DHRS3: variants seen among roughly 807,000 people sequenced by gnomAD.
The protein encoded by DHRS3 is short-chain dehydrogenase/reductase 3.
In DHRS3, 14 loss-of-function variants were observed where a neutral mutation model predicts 27.2. The ratio of observed to expected loss-of-function variants is 0.52; its 90% CI spans 0.34 to 0.81. The LOEUF (loss-of-function observed/expected upper bound fraction) is 0.81. Among genes scored for constraint, DHRS3 ranks in the 30% least tolerant of loss-of-function variants. The pLI is 0.01. For synonymous variants in DHRS3, 165 were observed against 175.9 expected, an observed-to-expected ratio of 0.94 and a Z score of 0.49; for missense variants, 322 against 406.2, an observed-to-expected ratio of 0.79 and a Z score of 1.78.
chr1:12,614,531 C>T (rs541361437), intron 1 of DHRS3, among the ~76,000 whole-genome samples: 5 of 151,476 alleles, frequency 3.3e-5, no homozygotes, highest in East Asian at 1.9e-4. Context: ...AAAAAACCCT[C>T]GCTTATTTGG....
intron 3 of DHRS3, 77 bp downstream of exon 3, chr1:12,579,216 C>A (rs1646621514): frequency 6.2e-7 from 1 of 1,610,240 alleles, no homozygotes; most frequent in African/African-American, 1.3e-5. Flanking sequence ...CAAGCCCTGG[C>A]AAATCATCCC....
At chr1:12,601,196 G>A (rs994998382) in intron 1 of DHRS3, among the ~76,000 whole-genome samples, 1 of 151,928 alleles carries the variant, frequency 6.6e-6, no homozygotes, top group African/African-American at 2.4e-5. Context: ...TGCAGAAGCC[G>A]ACCTCCCGAC....
chr1:12,577,371 A>C (rs61776828), intron 4 of DHRS3, among the ~76,000 whole-genome samples: 36,009 of 152,044 alleles, frequency 0.24, 4,489 homozygotes, highest in African/African-American at 0.29. Flanking sequence ...CTTGCAGATC[A>C]GCCACAGCAG....
chr1:12,583,524 C>A (rs1294155310), intron 1 of DHRS3, among the ~76,000 whole-genome samples: 1 of 148,058 alleles, frequency 6.8e-6, no homozygotes, highest in Non-Finnish European at 1.5e-5. Context: ...ATCCATCCAC[C>A]CATCCATCCC....
chr1:12,585,600 G>A (rs988707230), intron 1 of DHRS3, among the ~76,000 whole-genome samples: 1 of 152,290 alleles, frequency 6.6e-6, no homozygotes, highest in Admixed American at 6.5e-5. Flanking sequence ...CTGTGGAGCT[G>A]CCCCAGCCAC....
At chr1:12,600,482 G>A (rs1035073703) in intron 1 of DHRS3, 16 of 770,424 alleles carry the variant, frequency 2.1e-5, no homozygotes, top group Non-Finnish European at 2.1e-5. Context: ...AACACGGGCC[G>A]TGCAGCCAAG....
Position 12,578,650 on chromosome 1 carries a change from G to T in DHRS3, c.698+68C>A. On this transcript the variant is annotated intron_variant, in intron 4 of 5. Transcript: ENST00000616661. This position sits in a 1 kb window ranked among gnomAD's most constrained non-coding sequence, Gnocchi z 4.5. ...TTATATCAGAGCTCTTTCTGCAGTT[G>T]GCTGACTGAATGGCTTGGGGAGGCA... 1 of 1,459,942 alleles carries T rather than the reference G, an allele frequency of 6.8e-7. No individual in the cohort carries two copies. Among genetic ancestry groups the T allele is most frequent in the Non-Finnish European group, 9.6e-7 (1 of 1,044,420 alleles). The allele number at this position is 1,459,942 out of a possible 1,614,324, so 90.4% of individuals were successfully genotyped here.
Position 12,591,429 on chromosome 1 carries a change from G to A in DHRS3, c.196-10763C>T, listed in dbSNP as rs1399520095. 2.0e-5 allele frequency among the ~76,000 whole-genome samples: 3 copies of A among 152,258 alleles called. No individual in the cohort carries two copies. Among genetic ancestry groups the A allele is most frequent in the African/African-American group, 7.2e-5 (3 of 41,478 alleles). On this transcript the variant is annotated intron_variant, in intron 1 of 5. Coordinates refer to ENST00000616661, the MANE Select transcript of DHRS3 (RefSeq NM_004753.7). This position sits in a 1 kb window ranked among gnomAD's most constrained non-coding sequence, Gnocchi z 4.1. The stretch of plus-strand genomic sequence containing the variant: ...CTACCGCTGGCTCAGCTGTTGGGGA[G>A]GATTGTGATGAAGCTCCTCAAATTA...
intron 5 of DHRS3, among the ~76,000 whole-genome samples, chr1:12,570,602 G>GGAAGGTTGGAAAATGAAGGCT (rs1553137602): frequency 6.6e-6 from 1 of 152,190 alleles, no homozygotes; most frequent in Non-Finnish European, 1.5e-5. Flanking sequence ...GTAGTTGTGG[G>GGAAGGTTGGAAAATGAAGGCT]GAAGGTTGGA....
intron 1 of DHRS3, among the ~76,000 whole-genome samples, chr1:12,589,613 C>T (rs1646728650): frequency 6.6e-6 from 1 of 152,068 alleles, no homozygotes; most frequent in African/African-American, 2.4e-5. Context: ...TGGTGAATTA[C>T]AGGTGTGAGC....
intron 4 of DHRS3, among the ~76,000 whole-genome samples, chr1:12,575,012 G>T (rs926944627): frequency 1.3e-5 from 2 of 152,124 alleles, no homozygotes; most frequent in African/African-American, 4.8e-5. Flanking sequence ...GTTCTAGGTG[G>T]TTCTATGGCT....
intron 5 of DHRS3, among the ~76,000 whole-genome samples, chr1:12,568,737 G>T (rs1009503674): frequency 6.6e-6 from 1 of 152,090 alleles, no homozygotes; most frequent in Admixed American, 6.5e-5. Context: ...ACCAGCCTGG[G>T]CAATATGGTG....
intron 1 of DHRS3, among the ~76,000 whole-genome samples, chr1:12,611,948 A>AATAAATAAATAAATAAATAAATAT (rs1646913266): frequency 6.6e-6 from 1 of 151,786 alleles, no homozygotes; most frequent in Non-Finnish European, 1.5e-5. Context: ...TAAATAAATA[A>AATAAATAAATAAATAAATAAATAT]ATAAATAAAT....
chr1:12,617,329 C>T lies in DHRS3; in HGVS notation c.20G>A (p.Gly7Asp). The T allele has an allele frequency of 6.2e-7, 1 of 1,603,368 alleles. No homozygotes were observed. Among genetic ancestry groups the T allele is most frequent in the Non-Finnish European group, 8.5e-7 (1 of 1,171,782 alleles). The part of the protein sequence containing the change: MVWKRL[G>D]ALVMFPLQMI... ...CTGTAGAGGGAACATCACCAGCGCG[C>T]CCAGCCGTTTCCACACCATCCTCCG... The change falls in exon 1 of 6, where the codon GGC becomes GAC. Residue 7 changes from glycine (G) to aspartate (D), a missense_variant. Physicochemically the swap from Gly to Asp is moderately conservative, Grantham distance 94. Transcript: ENST00000616661.
At position 12,592,897 on chromosome 1, in the gene DHRS3, C is replaced by T. The variant is rs1214454437; in HGVS notation, c.196-12231G>A. ...GTTTTCTCTCACTGTATGCCCACTC[C>T]ACCACGCACCCTGTCAGCCTGACCT... On this transcript the variant is annotated intron_variant, in intron 1 of 5. Coordinates refer to ENST00000616661, the MANE Select transcript of DHRS3 (RefSeq NM_004753.7). This position sits in a 1 kb window ranked among gnomAD's most constrained non-coding sequence, Gnocchi z 4.2. 1.3e-5 allele frequency among the ~76,000 whole-genome samples: 2 copies of T among 152,304 alleles called. No homozygotes were observed. Among genetic ancestry groups the T allele is most frequent in the African/African-American group, 2.4e-5 (1 of 41,560 alleles).
chr1:12,598,619 G>A (rs1407292901), intron 1 of DHRS3, among the ~76,000 whole-genome samples: 8 of 152,200 alleles, frequency 5.3e-5, no homozygotes, highest in Admixed American at 5.2e-4. Flanking sequence ...GTGATTACGG[G>A]TGGCTGCCCT....
chr1:12,576,157 A>T (rs1363847444), intron 4 of DHRS3, among the ~76,000 whole-genome samples: 1 of 152,154 alleles, frequency 6.6e-6, no homozygotes, highest in Non-Finnish European at 1.5e-5. Flanking sequence ...AAAACCTTGA[A>T]TTTCCTTCTT....
At chr1:12,616,048 A>AT (rs1300279666) in intron 1 of DHRS3, among the ~76,000 whole-genome samples, 1 of 152,214 alleles carries the variant, frequency 6.6e-6, no homozygotes, top group African/African-American at 2.4e-5. Context: ...CCCCGGAGGA[A>AT]TTGTAAATCT....
chr1:12,585,576 T>A (rs1399395512), intron 1 of DHRS3, among the ~76,000 whole-genome samples: 1 of 152,176 alleles, frequency 6.6e-6, no homozygotes, highest in Non-Finnish European at 1.5e-5. Context: ...TCCCTTTCCC[T>A]GGTAGGTGCT....
Sources: gnomAD v4.1 joint callset for allele counts (sites outside exome capture counted in the v4.1 genomes callset) on GRCh38, gnomAD v4.1.1 for gene constraint, Gnocchi (gnomAD v3.1) non-coding constraint, MANE v1.5 for transcripts, NCBI Gene and HGNC (gene_info 2026-07-23, HGNC 2026-07-21) for gene names.